NCBP3: variants seen among roughly 807,000 people sequenced by gnomAD.
NCBP3 encodes the protein nuclear cap-binding protein subunit 3.
A neutral mutation model predicts 75.7 loss-of-function variants in NCBP3; 20 were observed. That is an observed-to-expected ratio of 0.26 (90% confidence interval 0.19 to 0.38). NCBP3 has a LOEUF of 0.38. Among genes scored for constraint, NCBP3 ranks in the 10% least tolerant of loss-of-function variants. The pLI is 1.00. For synonymous variants in NCBP3, 293 were observed against 290.5 expected (o/e 1.01, Z -0.09); for missense variants, 678 against 796.9 (o/e 0.85, Z 1.80).
chr17:3,816,360 A>G, intron 10 of NCBP3, 90 bp from the exon 11 acceptor site: 2 of 1,174,034 alleles, frequency 1.7e-6, no homozygotes, highest in Non-Finnish European at 1.2e-6. Context: ...GGAGGAAACA[A>G]TTTAAGAAAT....
chr17:3,826,087 C>G lies in NCBP3; in HGVS notation c.610G>C (p.Asp204His). Residue 204 changes from aspartate to histidine, a missense_variant and splice_region_variant, in exon 5 of 13, where the codon GAC (aspartate) becomes CAC (histidine). By Grantham distance (81) the Asp-to-His change is moderately conservative. Coordinates refer to ENST00000389005, the MANE Select transcript of NCBP3 (RefSeq NM_001114118.3). Reference sequence around the variant, plus strand: ...CCAGTTCCCTCCTTTGTGTTGTTACCTTTTTTCCTTTTCTCAGCTGACTTG... The same window carrying G: ...CCAGTTCCCTCCTTTGTGTTGTTACGTTTTTTCCTTTTCTCAGCTGACTTG... ...EDKSAEKRKK[D>H]KQEDSSDDDE... is the part of the protein sequence containing the mutation. The G allele has an allele frequency of 6.4e-7, 1 of 1,550,756 alleles. No homozygotes were observed. The highest frequency in any genetic ancestry group is 8.7e-7 in the Non-Finnish European group (1 of 1,146,628).
At chr17:3,845,701 C>T (rs1444002655) in intron 1 of NCBP3, among the ~76,000 whole-genome samples, 2 of 152,180 alleles carry the variant, frequency 1.3e-5, no homozygotes, top group Non-Finnish European at 2.9e-5. Flanking sequence ...TGTTCCCGCC[C>T]AGGGCTCCCC....
intron 3 of NCBP3, among the ~76,000 whole-genome samples, chr17:3,832,500 A>C (rs218712): frequency 8.5e-6 from 1 of 117,556 alleles, no homozygotes; most frequent in Admixed American, 8.6e-5. Context: ...GTGTGGTGGC[A>C]GGCACCTGTA....
rs1330186856 is a variant in NCBP3, at chr17:3,812,074, G to A, written c.*970C>T. On this transcript the variant is annotated 3_prime_UTR_variant, in exon 13 of 13. Transcript: ENST00000389005. ...TCCTACTGGAGCCAAAAAACAAGCTGAACTCTATGTACAACAGACAGACTA... is the reference window on the plus strand; with the variant it reads ...TCCTACTGGAGCCAAAAAACAAGCTAAACTCTATGTACAACAGACAGACTA... 6.6e-6 allele frequency: 1 copy of A among 152,032 alleles called. No individual in the cohort carries two copies. Among genetic ancestry groups the A allele is most frequent in the Non-Finnish European group, 1.5e-5 (1 of 68,012 alleles). 9.4% of individuals were successfully genotyped at this position (152,032 alleles called of 1,614,324 possible). A position where few individuals can be genotyped will look rare whatever the true frequency, so the allele number is the denominator to read the frequency against.
At chr17:3,838,415 G>T (rs1329147698) in intron 3 of NCBP3, among the ~76,000 whole-genome samples, 1 of 152,252 alleles carries the variant, frequency 6.6e-6, no homozygotes, top group East Asian at 1.9e-4. Flanking sequence ...GCAGGCACAT[G>T]AAGGTCAAGC....
intron 1 of NCBP3, among the ~76,000 whole-genome samples, chr17:3,844,709 G>A (rs2054129280): frequency 6.6e-6 from 1 of 152,194 alleles, no homozygotes; most frequent in Non-Finnish European, 1.5e-5. Context: ...AATTAGCCGG[G>A]CACGGTGGCA....
intron 9 of NCBP3, among the ~76,000 whole-genome samples, chr17:3,819,034 G>A (rs1177611116): frequency 2.6e-5 from 4 of 152,122 alleles, no homozygotes; most frequent in African/African-American, 4.8e-5. Flanking sequence ...AGTCCACCGA[G>A]TGGCACATTT....
Position 3,812,606 on chromosome 17 carries a change from A to G in NCBP3, c.*438T>C, listed in dbSNP as rs893761664. 2.0e-6 allele frequency: 2 copies of G among 1,016,378 alleles called. No homozygotes were observed. The highest frequency in any genetic ancestry group is 2.4e-6 in the Non-Finnish European group (2 of 848,488). 63.0% of individuals were successfully genotyped at this position (1,016,378 alleles called of 1,614,324 possible). On this transcript the variant is annotated 3_prime_UTR_variant, in exon 13 of 13. Coordinates refer to ENST00000389005, the MANE Select transcript of NCBP3 (RefSeq NM_001114118.3). ...CCTCTTCCCCCTCGAAGGATGTCCA[A>G]TAAGCACCTGGGAATTGACTTTTCT...
At chr17:3,835,357 T>C (rs963385887) in intron 3 of NCBP3, among the ~76,000 whole-genome samples, 1 of 152,186 alleles carries the variant, frequency 6.6e-6, no homozygotes, top group Non-Finnish European at 1.5e-5. Flanking sequence ...TGAGGAACAG[T>C]CCTGCCGTTC....
At position 3,818,795 on chromosome 17, in the gene NCBP3, T is replaced by A. The variant is rs2053604861; in HGVS notation, c.1001-223A>T. ...AGCCTAACCAAATACCATAAAGTCA[T>A]TTAAAATACAACTGACCTTTATTAT... On this transcript the variant is annotated intron_variant, in intron 9 of 12. Transcript: ENST00000389005. This position sits in a 1 kb window ranked among gnomAD's most constrained non-coding sequence, Gnocchi z 4.7. 6.6e-6 allele frequency among the ~76,000 whole-genome samples: 1 copy of A among 152,222 alleles called. No homozygotes were observed. The highest frequency in any genetic ancestry group is 1.5e-5 in the Non-Finnish European group (1 of 68,040).
chr17:3,818,404 C>G lies in NCBP3; in HGVS notation c.1169G>C (p.Arg390Thr). 1 of 1,614,162 alleles carries G rather than the reference C, an allele frequency of 6.2e-7. No homozygotes were observed. Among genetic ancestry groups the G allele is most frequent in the Non-Finnish European group, 8.5e-7 (1 of 1,180,038 alleles). The change falls in exon 10 of 13, where the codon AGA becomes ACA. Residue 390 changes from arginine to threonine, a missense_variant. This residue lies in a region of NCBP3 where 365 missense variants were observed against 392.7 expected (regional missense o/e 0.93). Transcript: ENST00000389005. The surrounding 1 kb of genome is among the most constrained non-coding windows in gnomAD (Gnocchi z 4.7). ...LKQPRERSAS[R>T]RSSASSSDSD... Reference sequence around the variant, plus strand: ...GTCTGAGCTGCTGGCACTGGATCGTCTAGACGCGCTCCGCTCCCGGGGCTG... The same window carrying G: ...GTCTGAGCTGCTGGCACTGGATCGTGTAGACGCGCTCCGCTCCCGGGGCTG...
chr17:3,838,238 T>C (rs112715181), intron 3 of NCBP3, among the ~76,000 whole-genome samples: 42 of 152,118 alleles, frequency 2.8e-4, no homozygotes, highest in African/African-American at 9.4e-4. Context: ...AGATAAAGCA[T>C]GGGACAAGGA....
At position 3,812,692 on chromosome 17, in the gene NCBP3, C is replaced by T. The variant is rs1437734193; in HGVS notation, c.*352G>A. The T allele has an allele frequency of 9.2e-7, 1 of 1,081,658 alleles. No homozygotes were observed. The highest frequency in any genetic ancestry group is 1.1e-6 in the Non-Finnish European group (1 of 887,576). The allele number at this position is 1,081,658 out of a possible 1,614,324, so 67.0% of individuals were successfully genotyped here. A position where few individuals can be genotyped will look rare whatever the true frequency, so the allele number is the denominator to read the frequency against. ...AGGCAATAGTGAGAAGTTCAGTTCTCTGCTCTTTGGATGAACTGTGTAAAA... is the reference window on the plus strand; with the variant it reads ...AGGCAATAGTGAGAAGTTCAGTTCTTTGCTCTTTGGATGAACTGTGTAAAA... On this transcript the variant is annotated 3_prime_UTR_variant, in exon 13 of 13. Coordinates refer to ENST00000389005, the MANE Select transcript of NCBP3 (RefSeq NM_001114118.3).
intron 6 of NCBP3, 93 bp downstream of exon 6, chr17:3,825,673 GA>G: frequency 2.3e-6 from 2 of 885,480 alleles, no homozygotes; most frequent in Non-Finnish European, 3.5e-6. Flanking sequence ...GAAAGCTAGA[GA>G]AAAAACGTAA....
chr17:3,843,941 A>G (rs1411149222), intron 1 of NCBP3, among the ~76,000 whole-genome samples: 1 of 152,218 alleles, frequency 6.6e-6, no homozygotes, highest in East Asian at 1.9e-4. Flanking sequence ...CCATGGTATC[A>G]ATCAACCACT....
At position 3,818,476 on chromosome 17, in the gene NCBP3, T is replaced by C; in HGVS notation, c.1097A>G (p.Asp366Gly). The C allele has an allele frequency of 6.2e-7, 1 of 1,614,022 alleles. No homozygotes were observed. The highest frequency in any genetic ancestry group is 1.7e-5 in the Admixed American group (1 of 60,028). The change falls in exon 10 of 13, where the codon GAT (aspartate) becomes GGT (glycine). Residue 366 changes from aspartate (D) to glycine (G), a missense_variant. Transcript: ENST00000389005. The surrounding 1 kb of genome is among the most constrained non-coding windows in gnomAD (Gnocchi z 4.7). ...EEEEDQDMDA[D>G]DRVVVEYHEE... ...GTGGTACTCTACCACCACTCTGTCA[T>C]CTGCATCCATGTCCTGGTCTTCTTC... is the stretch of plus-strand genomic sequence containing the variant.
intron 1 of NCBP3, 74 bp from the exon 2 acceptor site, chr17:3,843,225 T>A: frequency 1.1e-5 from 12 of 1,107,854 alleles, no homozygotes; most frequent in Non-Finnish European, 1.4e-5. Context: ...CGGCCTGACA[T>A]CTGCAGGTTC....
chr17:3,835,356 G>A (rs978485946), intron 3 of NCBP3, among the ~76,000 whole-genome samples: 28 of 152,262 alleles, frequency 1.8e-4, no homozygotes, highest in African/African-American at 6.8e-4. Flanking sequence ...GTGAGGAACA[G>A]TCCTGCCGTT....
chr17:3,830,257 T>C (rs2053854621), intron 3 of NCBP3, among the ~76,000 whole-genome samples: 3 of 152,160 alleles, frequency 2.0e-5, no homozygotes, highest in South Asian at 2.1e-4. Flanking sequence ...ACGAAGATGT[T>C]TGCTAAGGCA....
Sources: allele counts gnomAD v4.1 joint callset (sites outside exome capture counted in the v4.1 genomes callset), GRCh38; gene constraint gnomAD v4.1.1; regional missense constraint gnomAD v4.1.1; non-coding constraint Gnocchi (gnomAD v3.1); transcripts MANE v1.5; gene names NCBI Gene and HGNC (gene_info 2026-07-23, HGNC 2026-07-21).